The following ZNF544 variants were observed in gnomAD, a reference collection of about 807,000 sequenced individuals.
ZNF544 encodes the protein zinc finger protein 544, also known as zinc finger protein AF020591.
Under a neutral mutation model 13.5 loss-of-function variants are expected in ZNF544, and 10 were observed. The observed-to-expected ratio is 0.74, with a 90% CI of 0.46 to 1.25. The LOEUF (loss-of-function observed/expected upper bound fraction) is 1.25. ZNF544 is among the 50% of genes most tolerant of loss of function. The pLI is 0.00. For synonymous variants in ZNF544, 323 were observed against 300.5 expected, an observed-to-expected ratio of 1.07 and a Z score of -0.77; for missense variants, 896 against 845.6, an observed-to-expected ratio of 1.06 and a Z score of -0.74.
rs779036383 is a variant in ZNF544 at position 58,260,950 on chromosome 19, AG to A, written c.346del (p.Glu116SerfsTer7). On this transcript the variant is annotated frameshift_variant, in exon 7 of 7. Coordinates refer to ENST00000687789, the MANE Select transcript of ZNF544 (RefSeq NM_014480.4). LOFTEE classifies it low-confidence loss of function (END_TRUNC). ...GTGGAAGTGTACAGGAGTGGACCGG[AG>A]GAGCCACCCTCTTTGGTATTAGGAA... The part of the protein sequence containing the change: ...HHVEVYRSGP[E>X]EPPSLVLGKV... The A allele has an allele frequency of 2.2e-5, 36 of 1,614,092 alleles. No homozygotes were observed. In the Admixed American group the frequency reaches 3.8e-4, roughly 17 times the overall value.
rs1230727981 is a variant in ZNF544 at position 58,261,799 on chromosome 19, A to T, written c.1193A>T (p.His398Leu). The T allele has an allele frequency of 6.2e-7, 1 of 1,614,160 alleles. No homozygotes were observed. The highest frequency in any genetic ancestry group is 8.5e-7 in the Non-Finnish European group (1 of 1,180,032). ...SFSQSYDLVI[H>L]QRTHTGEKPY... is the part of the protein sequence containing the mutation. Reference sequence around the variant, plus strand: ...AGCCAGAGCTATGACCTTGTCATACATCAGAGGACACACACTGGAGAGAAG... The same window carrying T: ...AGCCAGAGCTATGACCTTGTCATACTTCAGAGGACACACACTGGAGAGAAG... The change falls in exon 7 of 7, where the codon CAT becomes CTT. Residue 398 changes from histidine (H) to leucine (L), a missense_variant. By Grantham distance (99) the His-to-Leu change is moderately conservative. Coordinates refer to ENST00000687789, the MANE Select transcript of ZNF544 (RefSeq NM_014480.4).
intron 3 of ZNF544, among the ~76,000 whole-genome samples, chr19:58,239,898 C>CAAAAAA (rs58006684): frequency 7.9e-6 from 1 of 127,278 alleles, no homozygotes. Flanking sequence ...GACTCCATCT[C>CAAAAAA]AAAAAAAAAA....
At chr19:58,242,888 G>T (rs1196555659) in intron 3 of ZNF544, among the ~76,000 whole-genome samples, 1 of 152,030 alleles carries the variant, frequency 6.6e-6, no homozygotes, top group African/African-American at 2.4e-5. Context: ...TAGTAGAGAC[G>T]GTTTCACCAT....
chr19:58,276,815 C>T (rs1355981722), intron 6 of ZNF544, among the ~76,000 whole-genome samples: 1 of 152,194 alleles, frequency 6.6e-6, no homozygotes, highest in Non-Finnish European at 1.5e-5. Context: ...ATCGAATTGG[C>T]TTTTATTTGT....
At chr19:58,272,060 G>A (rs1415772816) in intron 5 of ZNF544, among the ~76,000 whole-genome samples, 1 of 151,978 alleles carries the variant, frequency 6.6e-6, no homozygotes, top group Non-Finnish European at 1.5e-5. Context: ...TACTTGGGAG[G>A]CTGAGCAGGA....
Sources: allele counts gnomAD v4.1 joint callset (sites outside exome capture counted in the v4.1 genomes callset), GRCh38; gene constraint gnomAD v4.1.1; transcripts MANE v1.5; gene names NCBI Gene and HGNC (gene_info 2026-07-23, HGNC 2026-07-21).